CHN2: variants seen among roughly 807,000 people sequenced by gnomAD.
CHN2 encodes the protein chimerin 2, also known as beta-chimaerin.
In CHN2, 35 loss-of-function variants were observed where a neutral mutation model predicts 56.3. The ratio of observed to expected loss-of-function variants is 0.62; its 90% CI spans 0.47 to 0.82. The LOEUF (loss-of-function observed/expected upper bound fraction) is 0.82. Among genes scored for constraint, CHN2 ranks in the 40% least tolerant of loss-of-function variants. The probability of loss-of-function intolerance (pLI) is 0.00; values close to 1 mark genes in which losing one functional copy is unlikely to be tolerated. For missense variants in CHN2, 491 were observed against 580.5 expected (o/e 0.85, Z 1.58); for synonymous variants, 210 against 212.8 (o/e 0.99, Z 0.12).
intron 11 of CHN2, among the ~76,000 whole-genome samples, chr7:29,508,904 T>A (rs1174203744): frequency 6.6e-6 from 1 of 152,052 alleles, no homozygotes; most frequent in Non-Finnish European, 1.5e-5. Flanking sequence ...ATTAGACAAC[T>A]GCAAGGCAAT....
chr7:29,399,285 C>T (rs993171928), intron 5 of CHN2, among the ~76,000 whole-genome samples: 1 of 152,150 alleles, frequency 6.6e-6, no homozygotes, highest in Admixed American at 6.5e-5. Flanking sequence ...GAAGGAAGGG[C>T]TCCTTCACCT....
chr7:29,196,025 T>C (rs888720556), intron 1 of CHN2, among the ~76,000 whole-genome samples: 5 of 152,242 alleles, frequency 3.3e-5, no homozygotes, highest in African/African-American at 1.2e-4. Flanking sequence ...GAAGTCCTAA[T>C]GGAAGTGCTT....
intron 6 of CHN2, chr7:29,401,371 A>G (rs1275649728): frequency 6.6e-6 from 1 of 152,432 alleles, no homozygotes; most frequent in African/African-American, 2.4e-5. Context: ...CAGGACTTCT[A>G]CCAAGTCATT....
At chr7:29,299,068 C>T (rs180874903) in intron 1 of CHN2, among the ~76,000 whole-genome samples, 3 of 152,258 alleles carry the variant, frequency 2.0e-5, no homozygotes, top group African/African-American at 4.8e-5. Flanking sequence ...CTCCGCAGAG[C>T]GAGAGTCCTG....
chr7:29,165,809 T>G (rs1397877199), intron 2 of CHN2, among the ~76,000 whole-genome samples: 1 of 152,238 alleles, frequency 6.6e-6, no homozygotes, highest in African/African-American at 2.4e-5. Flanking sequence ...ATATGGTGTT[T>G]CTTTTTAAGT....
At chr7:29,379,489 T>G (rs868662814) in intron 3 of CHN2, among the ~76,000 whole-genome samples, 80 of 152,318 alleles carry the variant, frequency 5.3e-4, no homozygotes, top group African/African-American at 1.9e-3. Context: ...CAGTTAACTC[T>G]GAAGTCTATT....
chr7:29,324,527 AGAGT>A (rs1438703997), intron 1 of CHN2, among the ~76,000 whole-genome samples: 1 of 152,012 alleles, frequency 6.6e-6, no homozygotes, highest in Non-Finnish European at 1.5e-5. Flanking sequence ...CATTACTGTT[AGAGT>A]GACACTGTTG....
chr7:29,179,868 C>G (rs906100547), intron 2 of CHN2, among the ~76,000 whole-genome samples: 1 of 152,104 alleles, frequency 6.6e-6, no homozygotes, highest in African/African-American at 2.4e-5. Flanking sequence ...TTATTGCAAG[C>G]AAATCAACTT....
intron 1 of CHN2, among the ~76,000 whole-genome samples, chr7:29,277,079 G>T (rs888718532): frequency 1.3e-5 from 2 of 152,096 alleles, no homozygotes; most frequent in African/African-American, 4.8e-5. Flanking sequence ...GCATTTAAGG[G>T]GACACTCGTC....
intron 6 of CHN2, among the ~76,000 whole-genome samples, chr7:29,404,753 C>T (rs534591119): frequency 6.6e-6 from 1 of 152,088 alleles, no homozygotes; most frequent in African/African-American, 2.4e-5. Context: ...TTTTTAAAGA[C>T]AGGATCTCAC....
intron 2 of CHN2, among the ~76,000 whole-genome samples, chr7:29,177,449 T>C (rs1381760779): frequency 6.6e-6 from 1 of 152,104 alleles, no homozygotes; most frequent in East Asian, 1.9e-4. Flanking sequence ...AGATGGGGTT[T>C]CACCATGTTG....
intron 1 of CHN2, among the ~76,000 whole-genome samples, chr7:29,280,245 G>A (rs935384192): frequency 8.6e-5 from 13 of 151,900 alleles, no homozygotes; most frequent in Admixed American, 2.0e-4. Context: ...TTAGCCGGGC[G>A]TGGTGGTGGG....
At chr7:29,401,157 A>G in intron 6 of CHN2, 1 of 259,512 alleles carries the variant, frequency 3.9e-6, no homozygotes, top group Non-Finnish European at 7.4e-6. Context: ...AGTCCCAGTT[A>G]CTTGGGAGGC....
intron 6 of CHN2, among the ~76,000 whole-genome samples, chr7:29,436,160 G>A (rs1783210204): frequency 6.6e-6 from 1 of 151,982 alleles, no homozygotes; most frequent in African/African-American, 2.4e-5. Context: ...CCAGCCCTGG[G>A]GATCTCCTGA....
chr7:29,350,457 C>CTTTAGTGTG (rs1797796600), intron 1 of CHN2, among the ~76,000 whole-genome samples: 1 of 152,102 alleles, frequency 6.6e-6, no homozygotes, highest in Admixed American at 6.6e-5. Context: ...ACCAAGGCCT[C>CTTTAGTGTG]CTGACAGTGT....
chr7:29,243,133 A>C (rs1385650337), intron 1 of CHN2, among the ~76,000 whole-genome samples: 1 of 152,186 alleles, frequency 6.6e-6, no homozygotes, highest in African/African-American at 2.4e-5. Context: ...CTAAGATGTA[A>C]ATACGGCATG....
intron 1 of CHN2, among the ~76,000 whole-genome samples, chr7:29,320,079 T>C (rs776289800): frequency 2.6e-5 from 4 of 152,210 alleles, no homozygotes; most frequent in Admixed American, 6.5e-5. Context: ...CCAGTCTCCC[T>C]GAGGAGTGTG....
intron 1 of CHN2, among the ~76,000 whole-genome samples, chr7:29,287,318 T>A (rs1395436707): frequency 2.0e-5 from 3 of 151,856 alleles, no homozygotes; most frequent in African/African-American, 7.3e-5. Flanking sequence ...ACAGAGAAAG[T>A]GGAGATGGGA....
intron 1 of CHN2, among the ~76,000 whole-genome samples, chr7:29,312,219 T>C (rs1418271907): frequency 1.4e-5 from 1 of 72,260 alleles, no homozygotes; most frequent in Non-Finnish European, 2.6e-5. Flanking sequence ...TCTTCTTTCT[T>C]GCTTATCTTT....
Sources: allele counts gnomAD v4.1 joint callset (sites outside exome capture counted in the v4.1 genomes callset), GRCh38; gene constraint gnomAD v4.1.1; transcripts MANE v1.5; gene names NCBI Gene and HGNC (gene_info 2026-07-23, HGNC 2026-07-21).